Variants in GNB5 observed in about 807,000 individuals in gnomAD.
GNB5 encodes G protein subunit beta 5, also known as guanine nucleotide-binding protein subunit beta-5.
Under a neutral mutation model 55.3 loss-of-function variants are expected in GNB5, and 37 were observed. The observed-to-expected ratio is 0.67, with a 90% CI of 0.51 to 0.88. The LOEUF (loss-of-function observed/expected upper bound fraction) is 0.88, where lower values mean the gene tolerates loss of function less well. Among genes scored for constraint, GNB5 ranks in the 40% least tolerant of loss-of-function variants. GNB5 has a pLI of 0.00. For synonymous variants in GNB5, 219 were observed against 198.5 expected (o/e 1.10, Z -0.87); for missense variants, 476 against 515.3 (o/e 0.92, Z 0.74).
rs1467347736 is a variant in GNB5, at chr15:52,179,771, C to G, written c.235G>C (p.Glu79Gln). Reference sequence around the variant, plus strand: ...CCGCCTCCCGGCCCGCACTCACGCTCCACATCGTGCAGCTTGGCTCGCTCC... The same window carrying G: ...CCGCCTCCCGGCCCGCACTCACGCTGCACATCGTGCAGCTTGGCTCGCTCC... ...EEERAKLHDV[E>Q]LHQVAERVEA... Residue 79 changes from glutamate to glutamine, a missense_variant, in exon 3 of 13, where the codon GAG (glutamate) becomes CAG (glutamine). By Grantham distance (29) the Glu-to-Gln change is conservative (BLOSUM62 2). Transcript: ENST00000261837. 6.6e-7 allele frequency: 1 copy of G among 1,504,094 alleles called. No individual in the cohort carries two copies. Among genetic ancestry groups the G allele is most frequent in the Admixed American group, 2.1e-5 (1 of 47,822 alleles). The allele number at this position is 1,504,094 out of a possible 1,614,324, so 93.2% of individuals were successfully genotyped here.
intron 1 of GNB5, among the ~76,000 whole-genome samples, chr15:52,186,830 TGA>T (rs2141244970): frequency 6.6e-6 from 1 of 152,202 alleles, no homozygotes; most frequent in South Asian, 2.1e-4. Context: ...TGGGGGCTCA[TGA>T]GTTGGGCTGA....
At position 52,122,729 on chromosome 15, in the gene GNB5, TATAC is replaced by T; in HGVS notation, c.*24_*27del. On this transcript the variant is annotated 3_prime_UTR_variant, in exon 13 of 13. Transcript: ENST00000261837. Reference sequence around the variant, plus strand: ...CATGTGAAGATTTCAAATTCTCAGGTATACATGAGTGCACTGTCAGAAGATGATT... The same window carrying T: ...CATGTGAAGATTTCAAATTCTCAGGTATGAGTGCACTGTCAGAAGATGATT... 1 of 1,551,084 alleles carries T rather than the reference TATAC, an allele frequency of 6.4e-7. No individual in the cohort carries two copies. The highest frequency in any genetic ancestry group is 8.9e-7 in the Non-Finnish European group (1 of 1,122,458).
At chr15:52,146,883 C>G (rs12441074) in intron 6 of GNB5, among the ~76,000 whole-genome samples, 3 of 151,172 alleles carry the variant, frequency 2.0e-5, no homozygotes, top group Non-Finnish European at 4.4e-5. Flanking sequence ...ACGCCTGGTA[C>G]TTTTTGCTTC....
At chr15:52,145,509 G>C (rs1566939037) in intron 6 of GNB5, among the ~76,000 whole-genome samples, 1 of 152,008 alleles carries the variant, frequency 6.6e-6, no homozygotes, top group Non-Finnish European at 1.5e-5. Flanking sequence ...GCCAGACGTG[G>C]TGGTGCACGC....
intron 3 of GNB5, among the ~76,000 whole-genome samples, chr15:52,172,031 T>C (rs1166619305): frequency 1.3e-5 from 2 of 152,240 alleles, no homozygotes; most frequent in Non-Finnish European, 2.9e-5. Flanking sequence ...ATGAACACCA[T>C]GTCCTTCCTG....
At chr15:52,182,499 G>T (rs946927328) in intron 2 of GNB5, among the ~76,000 whole-genome samples, 9 of 152,176 alleles carry the variant, frequency 5.9e-5, no homozygotes, top group Non-Finnish European at 1.2e-4. Flanking sequence ...CAACTATCTA[G>T]AGATGAGGCC....
chr15:52,146,523 A>C (rs1212153098), intron 6 of GNB5, among the ~76,000 whole-genome samples: 1 of 151,970 alleles, frequency 6.6e-6, no homozygotes, highest in African/African-American at 2.4e-5. Context: ...AATTCACTTA[A>C]GTTTTCTTGG....
intron 3 of GNB5, among the ~76,000 whole-genome samples, chr15:52,171,938 A>AT (rs1407628137): frequency 1.3e-5 from 2 of 152,322 alleles, no homozygotes; most frequent in East Asian, 3.9e-4. Context: ...TTCCTTAACA[A>AT]TATTAGCATC....
At chr15:52,163,855 G>A (rs180915617) in intron 3 of GNB5, among the ~76,000 whole-genome samples, 158 of 152,302 alleles carry the variant, frequency 1.0e-3, no homozygotes, top group Middle Eastern at 6.8e-3. Flanking sequence ...GCCCCTCTGG[G>A]ATGGAGTCTC....
intron 3 of GNB5, among the ~76,000 whole-genome samples, chr15:52,163,182 C>T (rs896996984): frequency 2.6e-5 from 4 of 152,198 alleles, no homozygotes; most frequent in Non-Finnish European, 5.9e-5. Context: ...ACCTGTGGAT[C>T]GGGAGATCAC....
chr15:52,179,731 T>A, intron 3 of GNB5, 37 bp downstream of exon 3: 2 of 1,054,186 alleles, frequency 1.9e-6, no homozygotes, highest in Non-Finnish European at 2.5e-6. Flanking sequence ...GGCGAGCCGG[T>A]CCGGCTTGCC....
At chr15:52,166,019 A>G (rs1462875058) in intron 3 of GNB5, among the ~76,000 whole-genome samples, 1 of 152,248 alleles carries the variant, frequency 6.6e-6, no homozygotes, top group Non-Finnish European at 1.5e-5. Flanking sequence ...AATGGAAAAC[A>G]GAAAAAAGCA....
chr15:52,137,450 G>A (rs1246275409), intron 7 of GNB5: 2 of 1,020,372 alleles, frequency 2.0e-6, no homozygotes, highest in Admixed American at 1.0e-4. Context: ...CCGTTCACAG[G>A]TGGGGACTCA....
intron 12 of GNB5, among the ~76,000 whole-genome samples, chr15:52,123,329 C>G (rs1054345951): frequency 6.6e-6 from 1 of 152,050 alleles, no homozygotes; most frequent in African/African-American, 2.4e-5. Flanking sequence ...AACCCTCCCC[C>G]ACCCCTGCAT....
chr15:52,176,053 A>AC (rs1010600914), intron 3 of GNB5, among the ~76,000 whole-genome samples: 89 of 150,824 alleles, frequency 5.9e-4, no homozygotes, highest in African/African-American at 2.0e-3. Context: ...CATCTCAAAA[A>AC]AAAACAAAAC....
intron 3 of GNB5, among the ~76,000 whole-genome samples, chr15:52,176,128 G>A (rs1382518093): frequency 6.6e-6 from 1 of 152,130 alleles, no homozygotes; most frequent in African/African-American, 2.4e-5. Flanking sequence ...AAGAGATACA[G>A]GAAAGTGCAT....
chr15:52,124,718 T>C (rs2033376767), intron 11 of GNB5, 79 bp from the exon 12 acceptor site: 1 of 1,255,730 alleles, frequency 8.0e-7, no homozygotes. Context: ...TACTCACTCA[T>C]TCAGTAAGCA....
At position 52,185,922 on chromosome 15, in the gene GNB5, G is replaced by T. The variant is rs539878006; in HGVS notation, c.-18-1228C>A. Among the ~76,000 whole-genome samples the T allele has an allele frequency of 3.9e-5, 6 of 152,114 alleles. No individual in the cohort carries two copies. The South Asian group carries it at 1.2e-3, about 32-fold the overall frequency. On this transcript the variant is annotated intron_variant, in intron 1 of 12. Coordinates refer to ENST00000261837, the MANE Select transcript of GNB5 (RefSeq NM_016194.4). ...GCCTCCCAAGTAGTTGGGATTACAG[G>T]CATAAGACACCATGCCAGGCTAATT...
intron 9 of GNB5, among the ~76,000 whole-genome samples, chr15:52,130,479 T>C (rs1448153346): frequency 6.6e-6 from 1 of 152,244 alleles, no homozygotes; most frequent in Non-Finnish European, 1.5e-5. Flanking sequence ...CCATTTAAAA[T>C]TTTAAGTTAC....
Sources: gnomAD v4.1 joint callset for allele counts (sites outside exome capture counted in the v4.1 genomes callset) on GRCh38, gnomAD v4.1.1 for gene constraint, MANE v1.5 for transcripts, NCBI Gene and HGNC (gene_info 2026-07-23, HGNC 2026-07-21) for gene names.